Variants in CMTM8 observed in about 807,000 individuals in gnomAD.
CMTM8 encodes CKLF like MARVEL transmembrane domain containing 8.
In CMTM8, 12 loss-of-function variants were observed where a neutral mutation model predicts 18.6. That is an observed-to-expected ratio of 0.65 (90% CI 0.41 to 1.05). CMTM8 has a LOEUF of 1.05. Among genes scored for constraint, CMTM8 ranks in the 50% least tolerant of loss-of-function variants. CMTM8 has a pLI of 0.00. For synonymous variants in CMTM8, 87 were observed against 90.6 expected (o/e 0.96, Z 0.23); for missense variants, 217 against 227.2 (o/e 0.95, Z 0.29).
intron 1 of CMTM8, among the ~76,000 whole-genome samples, chr3:32,269,735 A>T (rs997023270): frequency 6.6e-6 from 1 of 152,170 alleles, no homozygotes; most frequent in East Asian, 1.9e-4. Context: ...TGTTTCACTA[A>T]AACTTTTTTG....
At chr3:32,258,008 A>G (rs936497567) in intron 1 of CMTM8, among the ~76,000 whole-genome samples, 1 of 152,128 alleles carries the variant, frequency 6.6e-6, no homozygotes, top group Admixed American at 6.5e-5. Context: ...GAAATCTCAA[A>G]TCTTTATCCT....
intron 1 of CMTM8, among the ~76,000 whole-genome samples, chr3:32,298,955 A>ATTT (rs1287782949): frequency 1.6e-5 from 2 of 129,002 alleles, no homozygotes; most frequent in East Asian, 6.4e-4. Flanking sequence ...ATATATATAT[A>ATTT]TTTTTTTTTT....
intron 1 of CMTM8, among the ~76,000 whole-genome samples, chr3:32,333,732 A>G (rs1269986514): frequency 6.6e-6 from 1 of 151,932 alleles, no homozygotes; most frequent in Non-Finnish European, 1.5e-5. Flanking sequence ...ATGAATAGGC[A>G]GAGCACGGAT....
chr3:32,351,986 G>T (rs935821846), intron 1 of CMTM8, among the ~76,000 whole-genome samples: 4 of 151,826 alleles, frequency 2.6e-5, no homozygotes, highest in Non-Finnish European at 4.4e-5. Context: ...AGACCAGCCC[G>T]GCCCACATGG....
intron 1 of CMTM8, among the ~76,000 whole-genome samples, chr3:32,347,019 G>A (rs1398114533): frequency 6.6e-6 from 1 of 151,550 alleles, no homozygotes; most frequent in Non-Finnish European, 1.5e-5. Context: ...TGTAGAGACA[G>A]AGTCTTCCTA....
chr3:32,253,316 G>A (rs1056048040), intron 1 of CMTM8, among the ~76,000 whole-genome samples: 3 of 149,480 alleles, frequency 2.0e-5, no homozygotes, highest in Non-Finnish European at 4.5e-5. Flanking sequence ...TTTTTTTGTA[G>A]CATTTATTTA....
intron 1 of CMTM8, among the ~76,000 whole-genome samples, chr3:32,287,086 T>C (rs73069404): frequency 0.099 from 15,063 of 152,324 alleles, 814 homozygotes; most frequent in Non-Finnish European, 0.11. Flanking sequence ...TGGGGTTAGC[T>C]AATAGCTGTT....
At chr3:32,268,539 C>T (rs1702385669) in intron 1 of CMTM8, among the ~76,000 whole-genome samples, 1 of 150,346 alleles carries the variant, frequency 6.7e-6, no homozygotes, top group African/African-American at 2.5e-5. Flanking sequence ...CACATGTATA[C>T]ATATGTAACA....
chr3:32,319,074 A>ATATAT lies in CMTM8; in HGVS notation c.148-38298_148-38297insATATT. ...TGTATATACATATATATATATATATATTTTTTTTTTTTTTTTTTTTTGAGA... is the reference window on the plus strand; with the variant it reads ...TGTATATACATATATATATATATATATATATTTTTTTTTTTTTTTTTTTTTTGAGA... On this transcript the variant is annotated intron_variant, in intron 1 of 3. Coordinates refer to ENST00000307526, the MANE Select transcript of CMTM8 (RefSeq NM_178868.5). Among the ~76,000 whole-genome samples, 153 of 31,544 alleles carry ATATAT rather than the reference A, an allele frequency of 4.9e-3. 4 individuals are homozygous for ATATAT. The highest frequency in any genetic ancestry group is 0.011 in the African/African-American group (72 of 6,564). The allele number at this position is 31,544 out of a possible 152,430, so 20.7% of individuals were successfully genotyped here.
chr3:32,320,912 G>A (rs570572182), intron 1 of CMTM8, among the ~76,000 whole-genome samples: 1 of 152,110 alleles, frequency 6.6e-6, no homozygotes, highest in South Asian at 2.1e-4. Flanking sequence ...TTCTTCATCT[G>A]GAGTTACTTT....
intron 1 of CMTM8, among the ~76,000 whole-genome samples, chr3:32,290,142 C>T (rs753616257): frequency 4.4e-4 from 67 of 152,148 alleles, no homozygotes; most frequent in Admixed American, 2.6e-4. Context: ...GAAAAACAAA[C>T]AGTCATTATT....
chr3:32,304,749 C>G (rs1051176331), intron 1 of CMTM8, among the ~76,000 whole-genome samples: 1 of 152,210 alleles, frequency 6.6e-6, no homozygotes, highest in Non-Finnish European at 1.5e-5. Context: ...TTTTCATGTT[C>G]CAGTTAATAG....
At chr3:32,356,565 G>A (rs533386204) in intron 1 of CMTM8, among the ~76,000 whole-genome samples, 4 of 152,204 alleles carry the variant, frequency 2.6e-5, no homozygotes, top group Non-Finnish European at 5.9e-5. Flanking sequence ...AATGCACAAC[G>A]TGTGGTAAAA....
At chr3:32,361,286 G>GTTTGTTTTTTTTTTTGTTT (rs140270969) in intron 2 of CMTM8, among the ~76,000 whole-genome samples, 1 of 87,230 alleles carries the variant, frequency 1.1e-5, no homozygotes, top group African/African-American at 4.0e-5. Flanking sequence ...CAGCCTAAGA[G>GTTTGTTTTTTTTTTTGTTT]TTTTTTTTTC....
chr3:32,280,750 C>T (rs1416556377), intron 1 of CMTM8, among the ~76,000 whole-genome samples: 1 of 149,360 alleles, frequency 6.7e-6, no homozygotes, highest in Non-Finnish European at 1.5e-5. Flanking sequence ...CTGGCCATAC[C>T]TGGGTCATCT....
chr3:32,290,399 G>A (rs1702759319), intron 1 of CMTM8, among the ~76,000 whole-genome samples: 1 of 152,218 alleles, frequency 6.6e-6, no homozygotes, highest in Admixed American at 6.5e-5. Flanking sequence ...CATCAGTATT[G>A]TAAGATGTCA....
intron 1 of CMTM8, among the ~76,000 whole-genome samples, chr3:32,344,647 C>A (rs1441468523): frequency 6.6e-6 from 1 of 152,156 alleles, no homozygotes; most frequent in African/African-American, 2.4e-5. Flanking sequence ...GTAATCCCAG[C>A]ACTTTGGAAG....
At chr3:32,285,555 C>T (rs1233919919) in intron 1 of CMTM8, among the ~76,000 whole-genome samples, 2 of 151,454 alleles carry the variant, frequency 1.3e-5, no homozygotes. Flanking sequence ...TAGTAGTACA[C>T]GTAAAAATGG....
intron 1 of CMTM8, among the ~76,000 whole-genome samples, chr3:32,264,162 G>A (rs1666894969): frequency 6.6e-6 from 1 of 152,206 alleles, no homozygotes. Flanking sequence ...ATTCACCAAA[G>A]TTGAAATGAA....
Sources: allele counts gnomAD v4.1 joint callset (sites outside exome capture counted in the v4.1 genomes callset), GRCh38; gene constraint gnomAD v4.1.1; transcripts MANE v1.5; gene names NCBI Gene and HGNC (gene_info 2026-07-23, HGNC 2026-07-21).